GPC5: variants seen among roughly 807,000 people sequenced by gnomAD.
The protein encoded by GPC5 is glypican 5.
GPC5 carries 47 observed loss-of-function variants against 53.9 expected under a neutral mutation model. That is an observed-to-expected ratio of 0.87 (90% CI 0.69 to 1.11). The LOEUF (loss-of-function observed/expected upper bound fraction) is 1.11. Among genes scored for constraint, GPC5 ranks in the 50% most tolerant of loss-of-function variants. The pLI is 0.00. For missense variants in GPC5, 748 were observed against 713.1 expected, an observed-to-expected ratio of 1.05 and a Z score of -0.56; for synonymous variants, 286 against 263.3, an observed-to-expected ratio of 1.09 and a Z score of -0.84.
At chr13:92,146,912 T>G (rs949002346) in intron 7 of GPC5, among the ~76,000 whole-genome samples, 5 of 152,082 alleles carry the variant, frequency 3.3e-5, no homozygotes, top group African/African-American at 1.2e-4. Context: ...ACTCATTGAT[T>G]GATGGGCATT....
chr13:91,402,654 A>T lies in GPC5; in HGVS notation c.163+3445A>T, dbSNP rs75788468. Among the ~76,000 whole-genome samples, 318 of 152,368 alleles carry T rather than the reference A, an allele frequency of 2.1e-3. 1 individual carries two copies. Among genetic ancestry groups the T allele is most frequent in the African/African-American group, 7.3e-3 (303 of 41,586 alleles). On this transcript the variant is annotated intron_variant, in intron 1 of 7. Coordinates refer to ENST00000377067, the MANE Select transcript of GPC5 (RefSeq NM_004466.6). ...ATAAAATGAAATAATGTAAAATGTC[A>T]CAAATCCAGGCACATAGTAAGTGCT...
At chr13:91,588,679 CT>C (rs1184597430) in intron 2 of GPC5, among the ~76,000 whole-genome samples, 8 of 152,096 alleles carry the variant, frequency 5.3e-5, no homozygotes, top group African/African-American at 1.9e-4. Context: ...ACCTCTTTTC[CT>C]TTGCAAAGTC....
intron 7 of GPC5, among the ~76,000 whole-genome samples, chr13:92,595,758 ACT>A (rs1330964205): frequency 1.0e-5 from 1 of 100,070 alleles, no homozygotes; most frequent in African/African-American, 3.7e-5. Context: ...AAAGAGCGAG[ACT>A]CTGTCTCAAA....
At chr13:92,400,582 T>C (rs1225463629) in intron 7 of GPC5, among the ~76,000 whole-genome samples, 1 of 152,218 alleles carries the variant, frequency 6.6e-6, no homozygotes. Flanking sequence ...TTTAAAGATG[T>C]AACCTAAATG....
At chr13:92,860,700 T>G (rs1879153163) in intron 7 of GPC5, among the ~76,000 whole-genome samples, 1 of 152,142 alleles carries the variant, frequency 6.6e-6, no homozygotes, top group Admixed American at 6.6e-5. Flanking sequence ...GTAGCAATTT[T>G]ATTCAGAAGA....
At chr13:91,807,722 T>G (rs953277892) in intron 5 of GPC5, among the ~76,000 whole-genome samples, 2 of 152,114 alleles carry the variant, frequency 1.3e-5, no homozygotes, top group Non-Finnish European at 2.9e-5. Context: ...AACGAATTGA[T>G]CGCCTAAACA....
At position 91,571,901 on chromosome 13, in the gene GPC5, A is replaced by ACG. The variant is rs1478882368; in HGVS notation, c.326-121286_326-121285insCG. Among the ~76,000 whole-genome samples, 9 of 69,792 alleles carry ACG rather than the reference A, an allele frequency of 1.3e-4. 1 individual carries two copies. The highest frequency in any genetic ancestry group is 3.8e-4 in the African/African-American group (5 of 13,012). The allele number at this position is 69,792 out of a possible 152,430, so 45.8% of individuals were successfully genotyped here. ...CACACATATACGTGTGTATATACAC[A>ACG]TATTGTATATATACACATATTGTAT... On this transcript the variant is annotated intron_variant, in intron 2 of 7. Transcript: ENST00000377067.
intron 6 of GPC5, among the ~76,000 whole-genome samples, chr13:92,140,747 G>A (rs1321495902): frequency 6.6e-6 from 1 of 152,178 alleles, no homozygotes; most frequent in Non-Finnish European, 1.5e-5. Context: ...AGAGACTAAT[G>A]GCCCCTGTAA....
At chr13:92,653,241 G>T (rs1361401866) in intron 7 of GPC5, among the ~76,000 whole-genome samples, 1 of 152,168 alleles carries the variant, frequency 6.6e-6, no homozygotes, top group Non-Finnish European at 1.5e-5. Context: ...TGACAATTTG[G>T]TCCATACCAT....
At chr13:92,098,045 G>T (rs1395789609) in intron 6 of GPC5, among the ~76,000 whole-genome samples, 1 of 152,084 alleles carries the variant, frequency 6.6e-6, no homozygotes, top group Non-Finnish European at 1.5e-5. Context: ...GGATACATGT[G>T]CAGGTTTGTT....
chr13:92,786,447 G>A (rs1282670448), intron 7 of GPC5, among the ~76,000 whole-genome samples: 1 of 151,992 alleles, frequency 6.6e-6, no homozygotes, highest in Non-Finnish European at 1.5e-5. Flanking sequence ...AAGGATGGTG[G>A]GGGATCTTAA....
intron 7 of GPC5, among the ~76,000 whole-genome samples, chr13:92,723,911 C>A (rs1165800158): frequency 1.3e-5 from 2 of 151,558 alleles, no homozygotes; most frequent in African/African-American, 4.8e-5. Context: ...AAATCTACCC[C>A]TTTCTGTTAC....
chr13:92,750,990 T>G (rs937891384), intron 7 of GPC5, among the ~76,000 whole-genome samples: 1 of 152,178 alleles, frequency 6.6e-6, no homozygotes, highest in Non-Finnish European at 1.5e-5. Flanking sequence ...GGATTTTTAT[T>G]TTCATCCATT....
At chr13:91,766,805 A>G (rs1237957603) in intron 5 of GPC5, among the ~76,000 whole-genome samples, 6 of 152,206 alleles carry the variant, frequency 3.9e-5, no homozygotes, top group Admixed American at 1.3e-4. Flanking sequence ...GGTTGCAGTG[A>G]GCCGAGACTG....
At chr13:91,695,847 A>G (rs982447549) in intron 3 of GPC5, among the ~76,000 whole-genome samples, 1 of 152,140 alleles carries the variant, frequency 6.6e-6, no homozygotes, top group Non-Finnish European at 1.5e-5. Context: ...TTTCCTATGT[A>G]TTTTGGAAAC....
At chr13:92,585,010 G>A (rs1455811760) in intron 7 of GPC5, among the ~76,000 whole-genome samples, 3 of 152,074 alleles carry the variant, frequency 2.0e-5, no homozygotes, top group Non-Finnish European at 4.4e-5. Context: ...AAGTTTGCTG[G>A]TGGAGGGGGT....
chr13:92,222,202 A>G (rs1167672890), intron 7 of GPC5, among the ~76,000 whole-genome samples: 1 of 152,214 alleles, frequency 6.6e-6, no homozygotes. Context: ...AAAAGCCCTC[A>G]GAGCACAGGA....
At chr13:91,663,008 A>G (rs2035021469) in intron 2 of GPC5, among the ~76,000 whole-genome samples, 1 of 152,222 alleles carries the variant, frequency 6.6e-6, no homozygotes, top group African/African-American at 2.4e-5. Flanking sequence ...CAAGATGGGG[A>G]AGGCAGCTAC....
chr13:91,671,780 C>CAAAAAAAAAAAAAAAAAAAA (rs55758033), intron 2 of GPC5, among the ~76,000 whole-genome samples: 4 of 33,126 alleles, frequency 1.2e-4, no homozygotes, highest in Admixed American at 5.0e-4. Flanking sequence ...CAATCTGAAG[C>CAAAAAAAAAAAAAAAAAAAA]AAAAAAAAAA....
Sources: gnomAD v4.1 joint callset for allele counts (sites outside exome capture counted in the v4.1 genomes callset) on GRCh38, gnomAD v4.1.1 for gene constraint, MANE v1.5 for transcripts, NCBI Gene and HGNC (gene_info 2026-07-23, HGNC 2026-07-21) for gene names.